Variants in RAPGEF5 observed in about 807,000 individuals in gnomAD.
RAPGEF5 encodes Rap guanine nucleotide exchange factor 5, also known as M-Ras-regulated GEF.
Under a neutral mutation model 125.2 loss-of-function variants are expected in RAPGEF5, and 65 were observed. The ratio of observed to expected loss-of-function variants is 0.52; its 90% CI spans 0.43 to 0.64. RAPGEF5 has a LOEUF of 0.64. Among genes scored for constraint, RAPGEF5 ranks in the 30% least tolerant of loss-of-function variants. RAPGEF5 has a pLI of 0.00. For missense variants in RAPGEF5, 958 were observed against 1,048.1 expected, an observed-to-expected ratio of 0.91 and a Z score of 1.19; for synonymous variants, 391 against 385.9, an observed-to-expected ratio of 1.01 and a Z score of -0.16.
intron 1 of RAPGEF5, among the ~76,000 whole-genome samples, chr7:22,328,627 A>G (rs1165144200): frequency 1.3e-5 from 2 of 152,272 alleles, no homozygotes; most frequent in Non-Finnish European, 2.9e-5. Context: ...AACATCTGTT[A>G]CCAACTCAAA....
intron 9 of RAPGEF5, among the ~76,000 whole-genome samples, chr7:22,210,519 GT>G (rs1785485470): frequency 6.6e-6 from 1 of 152,164 alleles, no homozygotes; most frequent in African/African-American, 2.4e-5. Context: ...GACTCATTAA[GT>G]TTTTTGAGCC....
intron 12 of RAPGEF5, chr7:22,163,075 G>C (rs1784058359): frequency 2.3e-6 from 1 of 433,766 alleles, no homozygotes; most frequent in Non-Finnish European, 4.6e-6. Flanking sequence ...GAAAACATTG[G>C]ATACATGTGT....
intron 24 of RAPGEF5, among the ~76,000 whole-genome samples, chr7:22,127,237 C>T (rs1429452742): frequency 6.6e-6 from 1 of 152,008 alleles, no homozygotes; most frequent in Non-Finnish European, 1.5e-5. Context: ...CAGGGTTTCA[C>T]CATGTTCAAG....
rs1449443324 is a variant in RAPGEF5, at chr7:22,136,986, A to G, written c.2278-3T>C. On this transcript the variant is annotated splice_region_variant and splice_polypyrimidine_tract_variant and intron_variant, in intron 21 of 25. Transcript: ENST00000665637. ...TTCTTAAACTTCCCAGGGATTTTCT[A>G]AAAAACAAACACAAACAAAAAACAG... is the stretch of plus-strand genomic sequence containing the variant. 1.3e-5 allele frequency: 21 copies of G among 1,573,576 alleles called. No homozygotes were observed. In the East Asian group the frequency reaches 4.8e-4, roughly 36 times the overall value.
chr7:22,300,672 C>G (rs947059776), intron 5 of RAPGEF5, among the ~76,000 whole-genome samples: 2 of 152,132 alleles, frequency 1.3e-5, no homozygotes, highest in African/African-American at 4.8e-5. Flanking sequence ...AAACCCTTCC[C>G]TAGGTTTACC....
intron 9 of RAPGEF5, among the ~76,000 whole-genome samples, chr7:22,211,386 T>C (rs1367650514): frequency 6.6e-6 from 1 of 152,234 alleles, no homozygotes; most frequent in Non-Finnish European, 1.5e-5. Context: ...ACAAAAGATA[T>C]TCACATTATA....
At chr7:22,294,087 A>G (rs1782995807) in intron 5 of RAPGEF5, among the ~76,000 whole-genome samples, 1 of 152,120 alleles carries the variant, frequency 6.6e-6, no homozygotes, top group Non-Finnish European at 1.5e-5. Flanking sequence ...GTTTTCCATT[A>G]TTACTAAAGG....
chr7:22,135,578 C>T (rs891078646), intron 23 of RAPGEF5, among the ~76,000 whole-genome samples: 9 of 152,198 alleles, frequency 5.9e-5, no homozygotes, highest in African/African-American at 1.4e-4. Context: ...CAACACTTTT[C>T]GAAAGCTATA....
chr7:22,242,517 C>G (rs1278923996), intron 7 of RAPGEF5, among the ~76,000 whole-genome samples: 1 of 152,130 alleles, frequency 6.6e-6, no homozygotes, highest in Non-Finnish European at 1.5e-5. Context: ...GGTCACCACT[C>G]GAATTCACTA....
chr7:22,208,668 C>T (rs780089502), intron 9 of RAPGEF5, among the ~76,000 whole-genome samples: 10 of 152,136 alleles, frequency 6.6e-5, no homozygotes, highest in Non-Finnish European at 1.2e-4. Flanking sequence ...TTATAGGGTT[C>T]CCTAGACTGA....
At chr7:22,222,183 T>C (rs1583493885) in intron 8 of RAPGEF5, among the ~76,000 whole-genome samples, 1 of 151,436 alleles carries the variant, frequency 6.6e-6, no homozygotes, top group South Asian at 2.1e-4. Context: ...GAGGTGGAGG[T>C]TGCAGTGAGC....
At chr7:22,317,837 C>T in intron 2 of RAPGEF5, 150 bp downstream of exon 2, 1 of 1,020,608 alleles carries the variant, frequency 9.8e-7, no homozygotes. Context: ...CTGTGTCATC[C>T]CAGGTGGTGA....
At chr7:22,342,473 G>A (rs1429107916) in intron 1 of RAPGEF5, among the ~76,000 whole-genome samples, 3 of 152,314 alleles carry the variant, frequency 2.0e-5, no homozygotes, top group East Asian at 3.9e-4. Context: ...CATTACTTAT[G>A]CAAATTTCCG....
chr7:22,348,563 T>C (rs548590038), intron 1 of RAPGEF5, among the ~76,000 whole-genome samples: 3 of 152,332 alleles, frequency 2.0e-5, no homozygotes, highest in Admixed American at 2.0e-4. Flanking sequence ...GAGAAAACAA[T>C]GACTTCTAGG....
intron 5 of RAPGEF5, among the ~76,000 whole-genome samples, chr7:22,296,545 G>A (rs1056611238): frequency 2.0e-5 from 3 of 152,060 alleles, no homozygotes; most frequent in African/African-American, 7.2e-5. Context: ...CTGGAGCTGG[G>A]GTGATTAGGG....
chr7:22,289,695 T>C (rs2128147073), intron 6 of RAPGEF5, among the ~76,000 whole-genome samples: 1 of 152,352 alleles, frequency 6.6e-6, no homozygotes, highest in East Asian at 1.9e-4. Flanking sequence ...TTGATTATCA[T>C]ATTGATATGA....
In RAPGEF5 at chr7:22,193,985, C is replaced by G. The variant is rs372640362; in HGVS notation, c.1045G>C (p.Val349Leu). 1 of 1,613,914 alleles carries G rather than the reference C, an allele frequency of 6.2e-7. No individual in the cohort carries two copies. The highest frequency in any genetic ancestry group is 1.1e-5 in the South Asian group (1 of 91,068). ...TVQVKEQDQSVLVLKKVQCCG... is the reference protein window; with the variant it reads ...TVQVKEQDQSLLVLKKVQCCG... ...CACTGCACTTTCTTCAGCACCAGGA[C>G]GCTCTGGTCTTGCTCTTTAACCTGA... Residue 349 changes from valine to leucine, a missense_variant, in exon 10 of 26, where the codon GTC becomes CTC. Coordinates refer to ENST00000665637, the MANE Select transcript of RAPGEF5 (RefSeq NM_012294.5).
At chr7:22,221,881 C>T (rs1174385424) in intron 8 of RAPGEF5, among the ~76,000 whole-genome samples, 3 of 152,150 alleles carry the variant, frequency 2.0e-5, no homozygotes, top group Admixed American at 6.5e-5. Flanking sequence ...TTCATTCACT[C>T]AACAGAGTAA....
At chr7:22,292,586 T>G (rs1782959336) in intron 5 of RAPGEF5, among the ~76,000 whole-genome samples, 2 of 152,208 alleles carry the variant, frequency 1.3e-5, no homozygotes, top group Non-Finnish European at 2.9e-5. Context: ...TTATTAAGAT[T>G]CTCTATTCAC....
Sources: allele counts gnomAD v4.1 joint callset (sites outside exome capture counted in the v4.1 genomes callset), GRCh38; gene constraint gnomAD v4.1.1; transcripts MANE v1.5; gene names NCBI Gene and HGNC (gene_info 2026-07-23, HGNC 2026-07-21).